Variants in WNT10A observed in about 807,000 individuals in gnomAD.
WNT10A encodes the protein protein Wnt-10a.
Under a neutral mutation model 36.1 loss-of-function variants are expected in WNT10A, and 37 were observed. The observed-to-expected ratio is 1.02, with a 90% CI of 0.79 to 1.35. WNT10A has a LOEUF of 1.35. Ranked by LOEUF, WNT10A falls within the 40% of genes most tolerant of loss-of-function variation. The pLI is 0.00. For synonymous variants in WNT10A, 255 were observed against 254.1 expected, an observed-to-expected ratio of 1.00 and a Z score of -0.03; for missense variants, 613 against 601.4, an observed-to-expected ratio of 1.02 and a Z score of -0.20.
chr2:218,887,694 T>A (rs1478699353), intron 2 of WNT10A, among the ~76,000 whole-genome samples: 2 of 152,220 alleles, frequency 1.3e-5, no homozygotes, highest in Admixed American at 6.5e-5. Flanking sequence ...TGCTGGGCTT[T>A]GTCCCTGATC....
chr2:218,893,105 A>G lies in WNT10A; in HGVS notation c.1088A>G (p.Asn363Ser). The G allele has an allele frequency of 1.3e-6, 2 of 1,596,472 alleles. No homozygotes were observed. Among genetic ancestry groups the G allele is most frequent in the Non-Finnish European group, 8.5e-7 (1 of 1,179,058 alleles). ...GCGGGCACCGTGGGCCGCCTGTGCAACAAGAGCAGCGCCGGCTCGGATGGC... is the reference window on the plus strand; with the variant it reads ...GCGGGCACCGTGGGCCGCCTGTGCAGCAAGAGCAGCGCCGGCTCGGATGGC... ...DSAGTVGRLC[N>S]KSSAGSDGCG... Residue 363 changes from asparagine (N) to serine (S), a missense_variant, in exon 4 of 4, where the codon AAC becomes AGC. Physicochemically the swap from Asn to Ser is conservative, Grantham distance 46 (BLOSUM62 1). Coordinates refer to ENST00000258411, the MANE Select transcript of WNT10A (RefSeq NM_025216.3). This position sits in a 1 kb window ranked among gnomAD's most constrained non-coding sequence, Gnocchi z 6.3.
chr2:218,879,588 A>G (rs149340370), upstream of WNT10A, among the ~76,000 whole-genome samples: 1 of 152,312 alleles, frequency 6.6e-6, no homozygotes, highest in Non-Finnish European at 1.5e-5. Context: ...CTCAGCGAGA[A>G]GTAGACCTGA....
At position 218,892,768 on chromosome 2, in the gene WNT10A, C is replaced by T. The variant is rs757483068; in HGVS notation, c.757-6C>T. On this transcript the variant is annotated splice_region_variant and splice_polypyrimidine_tract_variant and intron_variant, in intron 3 of 3. Coordinates refer to ENST00000258411, the MANE Select transcript of WNT10A (RefSeq NM_025216.3). Reference sequence around the variant, plus strand: ...GTGTCACCCCTCACGGTGCCTCCCTCCGCAGGCAGTGATGGAGAACATGCG... The same window carrying T: ...GTGTCACCCCTCACGGTGCCTCCCTTCGCAGGCAGTGATGGAGAACATGCG... The T allele has an allele frequency of 3.8e-6, 6 of 1,583,462 alleles. No homozygotes were observed. The highest frequency in any genetic ancestry group is 4.3e-6 in the Non-Finnish European group (5 of 1,166,020).
At chr2:218,884,754 C>T (rs1459575694) in intron 2 of WNT10A, among the ~76,000 whole-genome samples, 1 of 152,220 alleles carries the variant, frequency 6.6e-6, no homozygotes, top group South Asian at 2.1e-4. Context: ...CGGTGTCAAC[C>T]AGCCCCTGGT....
chr2:218,886,322 G>A (rs943158701), intron 2 of WNT10A, among the ~76,000 whole-genome samples: 7 of 152,102 alleles, frequency 4.6e-5, no homozygotes, highest in Admixed American at 3.3e-4. Context: ...CTCTCTCTCT[G>A]CCCAGGCACA....
rs377503582 is a variant in WNT10A at position 218,890,237 on chromosome 2, G to C, written c.630G>C (p.Glu210Asp). Reference protein sequence around the residue: ...TASPGLQDSWEWGGCSPDMGF... With the variant: ...TASPGLQDSWDWGGCSPDMGF... Reference sequence around the variant, plus strand: ...GCCCAGGCCTGCAGGACTCCTGGGAGTGGGGCGGCTGCAGCCCCGACATGG... The same window carrying C: ...GCCCAGGCCTGCAGGACTCCTGGGACTGGGGCGGCTGCAGCCCCGACATGG... The change falls in exon 3 of 4, where the codon GAG becomes GAC. Residue 210 changes from glutamate (E) to aspartate (D), a missense_variant. Transcript: ENST00000258411. 10 of 1,613,850 alleles carry C rather than the reference G, an allele frequency of 6.2e-6. No homozygotes were observed. Among genetic ancestry groups the C allele is most frequent in the Non-Finnish European group, 8.5e-6 (10 of 1,179,986 alleles).
upstream of WNT10A, among the ~76,000 whole-genome samples, chr2:218,878,561 C>T (rs1331879222): frequency 1.3e-5 from 2 of 152,076 alleles, no homozygotes; most frequent in African/African-American, 4.8e-5. This position sits in a 1 kb window ranked among gnomAD's most constrained non-coding sequence, Gnocchi z 4.1. Context: ...GGAGTCCCCA[C>T]CAGAATCACT....
Position 218,893,478 on chromosome 2 carries a change from T to C in WNT10A, c.*207T>C. 1.1e-5 allele frequency: 7 copies of C among 622,510 alleles called. No individual in the cohort carries two copies. Among genetic ancestry groups the C allele is most frequent in the Non-Finnish European group, 1.8e-5 (7 of 399,558 alleles). The allele number at this position is 622,510 out of a possible 1,614,324, so 38.6% of individuals were successfully genotyped here. On this transcript the variant is annotated 3_prime_UTR_variant, in exon 4 of 4. Coordinates refer to ENST00000258411, the MANE Select transcript of WNT10A (RefSeq NM_025216.3). The surrounding 1 kb of genome is among the most constrained non-coding windows in gnomAD (Gnocchi z 6.3). ...AACCCCACCACTCACTTCTGTGGGC[T>C]CTAGGACTGACTGGGTTCTTCCTCC... is the stretch of plus-strand genomic sequence containing the variant.
chr2:218,893,497 T>C lies in WNT10A; in HGVS notation c.*226T>C. 1.9e-6 allele frequency: 1 copy of C among 529,058 alleles called. No individual in the cohort carries two copies. Among genetic ancestry groups the C allele is most frequent in the South Asian group, 4.8e-5 (1 of 20,870 alleles). 32.8% of individuals were successfully genotyped at this position (529,058 alleles called of 1,614,324 possible). A position where few individuals can be genotyped will look rare whatever the true frequency, so the allele number is the denominator to read the frequency against. Reference sequence around the variant, plus strand: ...GTGGGCTCTAGGACTGACTGGGTTCTTCCTCCCTCCCCGAAGCCCAGACAG... The same window carrying C: ...GTGGGCTCTAGGACTGACTGGGTTCCTCCTCCCTCCCCGAAGCCCAGACAG... On this transcript the variant is annotated 3_prime_UTR_variant, in exon 4 of 4. Transcript: ENST00000258411. This position sits in a 1 kb window ranked among gnomAD's most constrained non-coding sequence, Gnocchi z 6.3.
chr2:218,878,592 C>A (rs958276822), upstream of WNT10A, among the ~76,000 whole-genome samples: 15 of 152,198 alleles, frequency 9.9e-5, 1 homozygote, highest in East Asian at 1.9e-4. The surrounding 1 kb of genome is among the most constrained non-coding windows in gnomAD (Gnocchi z 4.1). Flanking sequence ...GCTAGAAAGA[C>A]AGACACCCAG....
At chr2:218,889,284 A>G (rs1008644764) in intron 2 of WNT10A, among the ~76,000 whole-genome samples, 8 of 152,246 alleles carry the variant, frequency 5.3e-5, no homozygotes, top group Non-Finnish European at 8.8e-5. Flanking sequence ...GGAGTATTCC[A>G]TGGCATATTT....
chr2:218,881,225 G>A, intron 1 of WNT10A, 117 bp downstream of exon 1: 7 of 1,465,042 alleles, frequency 4.8e-6, no homozygotes, highest in Non-Finnish European at 6.5e-6. Flanking sequence ...AGGGTCATAG[G>A]AAAGTGCTGG....
chr2:218,884,803 TATGG>T (rs1427420569), intron 2 of WNT10A, among the ~76,000 whole-genome samples: 1 of 152,258 alleles, frequency 6.6e-6, no homozygotes, highest in African/African-American at 2.4e-5. Context: ...CTTTCCAAGT[TATGG>T]ATGTCCATTG....
At chr2:218,882,532 C>A in intron 2 of WNT10A, 109 bp downstream of exon 2, 1 of 1,392,528 alleles carries the variant, frequency 7.2e-7, no homozygotes, top group Non-Finnish European at 1.0e-6. Context: ...CCTCCCATCC[C>A]CACACACCCA....
intron 2 of WNT10A, 120 bp from the exon 3 acceptor site, chr2:218,889,864 G>A (rs1202299190): frequency 1.7e-5 from 26 of 1,518,736 alleles, no homozygotes; most frequent in Non-Finnish European, 2.2e-5. Context: ...CTGTTTCCTT[G>A]TGCCAGACTC....
intron 3 of WNT10A, among the ~76,000 whole-genome samples, chr2:218,892,555 G>A (rs1481012930): frequency 6.6e-6 from 1 of 152,196 alleles, no homozygotes; most frequent in African/African-American, 2.4e-5. Flanking sequence ...GAATTCCCCC[G>A]GGGCCTGGCC....
chr2:218,881,996 G>A (rs886934662), intron 1 of WNT10A, among the ~76,000 whole-genome samples, 165 bp from the exon 2 acceptor site: 1 of 152,180 alleles, frequency 6.6e-6, no homozygotes, highest in African/African-American at 2.4e-5. Flanking sequence ...TTGTGAGGAG[G>A]TCAAGGAGAG....
chr2:218,879,089 C>T (rs1431082148), upstream of WNT10A, among the ~76,000 whole-genome samples: 1 of 150,456 alleles, frequency 6.6e-6, no homozygotes, highest in African/African-American at 2.5e-5. Flanking sequence ...GCCCCACCCC[C>T]ACCCCCAGCA....
the WNT10A span, among the ~76,000 whole-genome samples, chr2:218,875,159 C>CTTTTTTTTTTTTTTTTT: frequency 1.4e-4 from 5 of 36,862 alleles, 2 homozygotes; most frequent in Non-Finnish European, 3.0e-4. Context: ...GACTGACTTT[C>CTTTTTTTTTTTTTTTTT]TTTTTTTTTT....
Sources: allele counts gnomAD v4.1 joint callset (sites outside exome capture counted in the v4.1 genomes callset), GRCh38; gene constraint gnomAD v4.1.1; non-coding constraint Gnocchi (gnomAD v3.1); transcripts MANE v1.5; gene names NCBI Gene and HGNC (gene_info 2026-07-23, HGNC 2026-07-21).